The following NAV3 variants were observed in gnomAD, a reference collection of about 807,000 sequenced individuals.
NAV3 encodes pore membrane and/or filament interacting like protein 1.
A neutral mutation model predicts 244.7 loss-of-function variants in NAV3; 87 were observed. That is an observed-to-expected ratio of 0.36 (90% CI 0.30 to 0.42). The LOEUF is 0.42. NAV3 is among the 20% of genes least tolerant of loss of function. NAV3 has a pLI of 1.00. For synonymous variants in NAV3, 1,126 were observed against 1,042.2 expected, an observed-to-expected ratio of 1.08 and a Z score of -1.55; for missense variants, 2,663 against 2,893.3, an observed-to-expected ratio of 0.92 and a Z score of 1.83.
rs151100254 is a variant in NAV3 at position 77,573,582 on chromosome 12, G to A, written c.72+1316G>A. 9.8e-4 allele frequency among the ~76,000 whole-genome samples: 149 copies of A among 152,258 alleles called. 1 individual carries two copies. Among genetic ancestry groups the A allele is most frequent in the African/African-American group, 3.4e-3 (140 of 41,556 alleles). On this transcript the variant is annotated intron_variant, in intron 2 of 8. Coordinates refer to the NAV3 transcript ENST00000550042. The stretch of plus-strand genomic sequence containing the variant: ...CCTGCTTTTCTTCCCGCTGGCACTG[G>A]AGTGTTTACCCAGAGGAGATGTCAC...
intron 12 of NAV3, among the ~76,000 whole-genome samples, chr12:78,078,174 C>A (rs796144449): frequency 5.3e-5 from 8 of 152,198 alleles, no homozygotes; most frequent in African/African-American, 1.9e-4. Flanking sequence ...AATGAGCTCT[C>A]TTTAACTTGA....
chr12:77,895,744 T>TG (rs1176072316), intron 1 of NAV3, among the ~76,000 whole-genome samples: 3 of 151,066 alleles, frequency 2.0e-5, no homozygotes, highest in South Asian at 2.1e-4. Flanking sequence ...TCTTGTTTTT[T>TG]TTTTTTTTTT....
intron 12 of NAV3, among the ~76,000 whole-genome samples, chr12:78,116,023 G>C (rs1015185628): frequency 1.3e-5 from 2 of 152,094 alleles, no homozygotes; most frequent in African/African-American, 4.8e-5. Flanking sequence ...GCACTGTGTG[G>C]CACGGGCATT....
intron 2 of NAV3, among the ~76,000 whole-genome samples, chr12:77,753,157 C>T (rs1338392567): frequency 6.6e-6 from 1 of 152,168 alleles, no homozygotes; most frequent in Non-Finnish European, 1.5e-5. Context: ...AAACTGACAA[C>T]ACATAGAAAG....
At chr12:77,892,871 A>G (rs1305227036) in intron 1 of NAV3, among the ~76,000 whole-genome samples, 1 of 152,206 alleles carries the variant, frequency 6.6e-6, no homozygotes, top group African/African-American at 2.4e-5. Flanking sequence ...GTAAAAAGTG[A>G]TAAATTTATG....
intron 13 of NAV3, 63 bp downstream of exon 13, chr12:78,116,967 T>C (rs1188361935): frequency 5.1e-6 from 8 of 1,583,768 alleles, no homozygotes; most frequent in Non-Finnish European, 6.9e-6. Context: ...AATTACTTAA[T>C]ATTAGATTAA....
chr12:78,073,391 C>A (rs1006744941), intron 12 of NAV3, among the ~76,000 whole-genome samples: 9 of 150,338 alleles, frequency 6.0e-5, no homozygotes, highest in Admixed American at 2.0e-4. Context: ...TATACACCAG[C>A]AACAGACAAA....
intron 15 of NAV3, among the ~76,000 whole-genome samples, chr12:78,120,834 A>C (rs1237162686): frequency 6.6e-6 from 1 of 152,204 alleles, no homozygotes; most frequent in Non-Finnish European, 1.5e-5. Context: ...CTGTTGACTA[A>C]ACCCAGAACT....
intron 38 of NAV3, among the ~76,000 whole-genome samples, chr12:78,203,344 G>A (rs913124909): frequency 6.6e-6 from 1 of 151,932 alleles, no homozygotes; most frequent in Admixed American, 6.6e-5. Context: ...AATTATACAT[G>A]TTTTTCTTCA....
At chr12:77,641,810 G>A (rs2136955065) in intron 2 of NAV3, among the ~76,000 whole-genome samples, 1 of 152,112 alleles carries the variant, frequency 6.6e-6, no homozygotes, top group Non-Finnish European at 1.5e-5. Context: ...AGCTGCAGTT[G>A]AGGCAAGCTG....
rs144976953 is a variant in NAV3, at chr12:77,741,594, G to A, written c.72+169328G>A. On this transcript the variant is annotated intron_variant, in intron 2 of 8. Transcript: ENST00000550042. ...GTTTTGATTCATTACTCAACCACAT[G>A]GAGTGTATTTTCAAATAGTTTGTCT... Among the ~76,000 whole-genome samples the A allele has an allele frequency of 2.0e-4, 30 of 152,174 alleles. 1 individual carries two copies. Among genetic ancestry groups the A allele is most frequent in the African/African-American group, 7.2e-4 (30 of 41,530 alleles).
At chr12:77,786,799 C>G (rs1870923601) in intron 2 of NAV3, among the ~76,000 whole-genome samples, 1 of 151,976 alleles carries the variant, frequency 6.6e-6, no homozygotes, top group Non-Finnish European at 1.5e-5. Flanking sequence ...TTTCCCAGTC[C>G]CACCACCATG....
chr12:77,855,941 G>A (rs1399600573), intron 1 of NAV3, among the ~76,000 whole-genome samples: 1 of 152,158 alleles, frequency 6.6e-6, no homozygotes, highest in Non-Finnish European at 1.5e-5. Context: ...ATTTTTGGTG[G>A]TGTATTTTAT....
intron 2 of NAV3, among the ~76,000 whole-genome samples, chr12:77,653,691 G>A (rs1203763974): frequency 6.6e-6 from 1 of 152,122 alleles, no homozygotes; most frequent in African/African-American, 2.4e-5. Context: ...TCCAGAAGAT[G>A]CTATATTGCC....
chr12:77,879,684 T>TTAAAA (rs1882366076), intron 1 of NAV3, among the ~76,000 whole-genome samples: 1 of 7,174 alleles, frequency 1.4e-4, no homozygotes, highest in Non-Finnish European at 3.0e-4. Context: ...AAACTCCATC[T>TTAAAA]CAAAAAAAAA....
At chr12:77,872,302 A>G (rs12822381) in intron 1 of NAV3, among the ~76,000 whole-genome samples, 2,835 of 152,262 alleles carry the variant, frequency 0.019, 39 homozygotes, top group Non-Finnish European at 0.028. Flanking sequence ...CTTTAACTGA[A>G]CATTGAAATA....
At chr12:77,868,766 A>AG (rs1281529744) in intron 1 of NAV3, among the ~76,000 whole-genome samples, 2 of 150,566 alleles carry the variant, frequency 1.3e-5, no homozygotes, top group South Asian at 2.1e-4. Flanking sequence ...AAAAAAAAAA[A>AG]AAAAAGAAAA....
At chr12:78,159,462 G>T (rs1427947995) in intron 23 of NAV3, among the ~76,000 whole-genome samples, 176 bp downstream of exon 23, 1 of 151,938 alleles carries the variant, frequency 6.6e-6, no homozygotes, top group African/African-American at 2.4e-5. Context: ...TCAGGAGTTC[G>T]AGACCAGCCT....
intron 2 of NAV3, among the ~76,000 whole-genome samples, chr12:77,726,696 T>C (rs1459821256): frequency 6.6e-6 from 1 of 151,776 alleles, no homozygotes; most frequent in East Asian, 1.9e-4. Context: ...GGAAAGAGTG[T>C]TTGAGGCAAA....
Sources: allele counts gnomAD v4.1 joint callset (sites outside exome capture counted in the v4.1 genomes callset), GRCh38; gene constraint gnomAD v4.1.1; transcripts MANE v1.5; gene names NCBI Gene and HGNC (gene_info 2026-07-23, HGNC 2026-07-21).